PIK3CD: variants seen among roughly 807,000 people sequenced by gnomAD.
PIK3CD encodes the protein phosphatidylinositol-4,5-bisphosphate 3-kinase catalytic subunit delta, also known as phosphatidylinositol 4,5-bisphosphate 3-kinase catalytic subunit delta isoform.
In PIK3CD, 20 loss-of-function variants were observed where a neutral mutation model predicts 122.9. That is an observed-to-expected ratio of 0.16 (90% CI 0.11 to 0.24). The LOEUF is 0.24. PIK3CD is among the 10% of genes least tolerant of loss of function. The probability of loss-of-function intolerance (pLI) is 1.00; values close to 1 mark genes in which losing one functional copy is unlikely to be tolerated. For synonymous variants in PIK3CD, 596 were observed against 593.4 expected (o/e 1.00, Z -0.06); for missense variants, 787 against 1,406.3 (o/e 0.56, Z 7.04).
At chr1:9,708,497 C>T (rs1193176027) in intron 2 of PIK3CD, among the ~76,000 whole-genome samples, 1 of 152,004 alleles carries the variant, frequency 6.6e-6, no homozygotes, top group East Asian at 1.9e-4. Context: ...AGATTTAAAG[C>T]ACGCACTAGT....
the PIK3CD span, among the ~76,000 whole-genome samples, chr1:9,638,612 G>A: frequency 5.9e-5 from 9 of 151,346 alleles, no homozygotes; most frequent in African/African-American, 1.9e-4. Context: ...GGCGCCTGTA[G>A]TCCCAGCTAC....
chr1:9,654,964 G>A (rs1267325610), intron 1 of PIK3CD, among the ~76,000 whole-genome samples: 4 of 152,216 alleles, frequency 2.6e-5, no homozygotes, highest in Non-Finnish European at 1.5e-5. Flanking sequence ...CTACTTGGGA[G>A]GTGGAGGCAG....
the PIK3CD span, among the ~76,000 whole-genome samples, chr1:9,635,697 T>C: frequency 6.6e-6 from 1 of 152,240 alleles, no homozygotes; most frequent in Admixed American, 6.5e-5. Flanking sequence ...GAGCTGGGCA[T>C]CCATTGCCAT....
At chr1:9,690,450 C>G (rs1389273763) in intron 1 of PIK3CD, among the ~76,000 whole-genome samples, 1 of 152,160 alleles carries the variant, frequency 6.6e-6, no homozygotes, top group Non-Finnish European at 1.5e-5. Flanking sequence ...GTCGTGGTAA[C>G]GGGTATTGGC....
At position 9,720,321 on chromosome 1, in the gene PIK3CD, G is replaced by A. The variant is rs911728718; in HGVS notation, c.1470+79G>A. The A allele has an allele frequency of 6.6e-7, 1 of 1,517,152 alleles. No individual in the cohort carries two copies. Among genetic ancestry groups the A allele is most frequent in the Non-Finnish European group, 8.9e-7 (1 of 1,124,192 alleles). The allele number at this position is 1,517,152 out of a possible 1,614,324, so 94.0% of individuals were successfully genotyped here. A position where few individuals can be genotyped will look rare whatever the true frequency, so the allele number is the denominator to read the frequency against. On this transcript the variant is annotated intron_variant, in intron 11 of 23. Transcript: ENST00000377346. This position sits in a 1 kb window ranked among gnomAD's most constrained non-coding sequence, Gnocchi z 9.0. ...GCCCTGCTCCTGGAGCTCTTCAGAG[G>A]GTGCTCCCTGGCCACGTCGGGGCTG...
chr1:9,663,874 G>A (rs1367562848), intron 1 of PIK3CD, among the ~76,000 whole-genome samples: 1 of 151,800 alleles, frequency 6.6e-6, no homozygotes, highest in African/African-American at 2.4e-5. Context: ...GAGAATGATG[G>A]TTTCCAGCTT....
At position 9,689,271 on chromosome 1, in the gene PIK3CD, T is replaced by A. The variant is rs1412884438; in HGVS notation, c.-137-2196T>A. 1.3e-5 allele frequency among the ~76,000 whole-genome samples: 2 copies of A among 152,174 alleles called. No homozygotes were observed. Among genetic ancestry groups the A allele is most frequent in the Non-Finnish European group, 2.9e-5 (2 of 68,008 alleles). ...CGCCGTCGGGGTCCCGCGGCTGCTC[T>A]GGGGCTCAGGGTGCGAACCCCAAGG... is the stretch of plus-strand genomic sequence containing the variant. On this transcript the variant is annotated intron_variant, in intron 1 of 23. Transcript: ENST00000377346. The surrounding 1 kb of genome is among the most constrained non-coding windows in gnomAD (Gnocchi z 6.1).
chr1:9,722,529 C>T lies in PIK3CD; in HGVS notation c.2349C>T (p.Asp783=), dbSNP rs1255750139. The change falls in exon 19 of 24, where the codon GAC becomes GAT. Residue 783 remains aspartate, a splice_region_variant and synonymous_variant. Coordinates refer to ENST00000377346, the MANE Select transcript of PIK3CD (RefSeq NM_005026.5). The surrounding 1 kb of genome is among the most constrained non-coding windows in gnomAD (Gnocchi z 7.6). ...TCCTCCCACCGGCCGGTGGCACAGA[C>T]CTCCGGCAGGACATGCTGACCCTGC... is the stretch of plus-strand genomic sequence containing the variant. ...SVGIIFKNGD[D]LRQDMLTLQM... 5 of 1,613,180 alleles carry T rather than the reference C, an allele frequency of 3.1e-6. No individual in the cohort carries two copies. The highest frequency in any genetic ancestry group is 2.7e-5 in the African/African-American group (2 of 74,872).
chr1:9,726,503 T>G (rs1327705737), intron 23 of PIK3CD, among the ~76,000 whole-genome samples: 1 of 152,132 alleles, frequency 6.6e-6, no homozygotes, highest in Non-Finnish European at 1.5e-5. Flanking sequence ...AGTGAGACTG[T>G]CTCAAAAAAA....
At chr1:9,693,816 G>A (rs967724528) in intron 2 of PIK3CD, among the ~76,000 whole-genome samples, 6 of 152,130 alleles carry the variant, frequency 3.9e-5, no homozygotes, top group African/African-American at 1.4e-4. Context: ...GGCCATGGGG[G>A]AGGCAGGTGG....
chr1:9,682,999 G>A (rs1001291039), intron 1 of PIK3CD, among the ~76,000 whole-genome samples: 4 of 150,746 alleles, frequency 2.7e-5, no homozygotes, highest in Admixed American at 6.6e-5. Flanking sequence ...ATGGTGGGAC[G>A]TGTCAAACGC....
At position 9,710,634 on chromosome 1, in the gene PIK3CD, GA is replaced by G; in HGVS notation, c.141+39del. 1.5e-6 allele frequency: 1 copy of G among 673,332 alleles called. No homozygotes were observed. The highest frequency in any genetic ancestry group is 2.2e-6 in the Non-Finnish European group (1 of 447,150). The allele number at this position is 673,332 out of a possible 1,614,324, so 41.7% of individuals were successfully genotyped here. ...TCCGGTCCTCAGACCTTGGTGCTCA[GA>G]GAGAGAGAGAGAGAGAGAGACACAG... On this transcript the variant is annotated intron_variant, in intron 3 of 23. Coordinates refer to ENST00000377346, the MANE Select transcript of PIK3CD (RefSeq NM_005026.5). This position sits in a 1 kb window ranked among gnomAD's most constrained non-coding sequence, Gnocchi z 4.7.
At chr1:9,628,990 C>T in the PIK3CD span, among the ~76,000 whole-genome samples, 9 of 146,272 alleles carry the variant, frequency 6.2e-5, no homozygotes, top group African/African-American at 1.2e-4. Context: ...GCAGGCAGGG[C>T]GAGGGGGCTT....
chr1:9,639,111 C>T, the PIK3CD span, among the ~76,000 whole-genome samples: 4 of 152,158 alleles, frequency 2.6e-5, no homozygotes, highest in Non-Finnish European at 4.4e-5. Context: ...CACCATTCAA[C>T]TCACTACATG....
Position 9,698,291 on chromosome 1 carries a change from C to T in PIK3CD, c.-33+6720C>T, listed in dbSNP as rs183790229. Among the ~76,000 whole-genome samples the T allele has an allele frequency of 6.0e-4, 91 of 152,186 alleles. 1 individual carries two copies. The highest frequency in any genetic ancestry group is 3.9e-3 in the Admixed American group (60 of 15,278). On this transcript the variant is annotated intron_variant, in intron 2 of 23. Transcript: ENST00000377346. The stretch of plus-strand genomic sequence containing the variant: ...CCAAGTAGCTGGGATTATAGGCATG[C>T]GCCACCACGCCCAACTAATTTTGTG...
chr1:9,700,722 C>T lies in PIK3CD; in HGVS notation c.-33+9151C>T, dbSNP rs761375578. On this transcript the variant is annotated intron_variant, in intron 2 of 23. Transcript: ENST00000377346. The surrounding 1 kb of genome is among the most constrained non-coding windows in gnomAD (Gnocchi z 5.1). The stretch of plus-strand genomic sequence containing the variant: ...GGGAGTTTGCCCCTGGCGGTCTTTA[C>T]GTGGCTATTCATTAAGCAGCTGAGA... 2.6e-5 allele frequency among the ~76,000 whole-genome samples: 4 copies of T among 152,128 alleles called. No individual in the cohort carries two copies. Among genetic ancestry groups the T allele is most frequent in the Admixed American group, 6.6e-5 (1 of 15,264 alleles).
Position 9,662,177 on chromosome 1 carries a change from T to G in PIK3CD, c.-138+10375T>G, listed in dbSNP as rs529543823. 1.6e-4 allele frequency: 24 copies of G among 152,518 alleles called. No individual in the cohort carries two copies. The South Asian group carries it at 4.9e-3, about 31-fold the overall frequency. 9.4% of individuals were successfully genotyped at this position (152,518 alleles called of 1,614,324 possible). On this transcript the variant is annotated intron_variant, in intron 1 of 23. Transcript: ENST00000377346. Reference sequence around the variant, plus strand: ...GAGACTCGATCTCAAATTTTTTTTTTTTGAGAGACAAGGTCTTGCTATGTT... The same window carrying G: ...GAGACTCGATCTCAAATTTTTTTTTGTTGAGAGACAAGGTCTTGCTATGTT...
rs186109747 is a variant in PIK3CD at position 9,653,995 on chromosome 1, C to T, written c.-138+2193C>T. On this transcript the variant is annotated intron_variant, in intron 1 of 23. Coordinates refer to ENST00000377346, the MANE Select transcript of PIK3CD (RefSeq NM_005026.5). ...CCCAGACGGGAGGATCACTTGAAGC[C>T]AGGAGTTCAAGGTTGCAGTAAGCTA... 180 of 1,322,776 alleles carry T rather than the reference C, an allele frequency of 1.4e-4. No homozygotes were observed. In the African/African-American group the frequency reaches 2.5e-3, roughly 18 times the overall value. 81.9% of individuals were successfully genotyped at this position (1,322,776 alleles called of 1,614,324 possible).
At chr1:9,726,538 T>C (rs75445840) in intron 23 of PIK3CD, among the ~76,000 whole-genome samples, 2 of 151,992 alleles carry the variant, frequency 1.3e-5, no homozygotes, top group Non-Finnish European at 2.9e-5. Context: ...TACATATGTA[T>C]TTTTTTTCCT....
Sources: allele counts gnomAD v4.1 joint callset (sites outside exome capture counted in the v4.1 genomes callset), GRCh38; gene constraint gnomAD v4.1.1; non-coding constraint Gnocchi (gnomAD v3.1); transcripts MANE v1.5; gene names NCBI Gene and HGNC (gene_info 2026-07-23, HGNC 2026-07-21).